The following ALKBH7 variants were observed in gnomAD, a reference collection of about 807,000 sequenced individuals.
ALKBH7 encodes alkB homolog 7, RNA demethylase.
A neutral mutation model predicts 19.3 loss-of-function variants in ALKBH7; 21 were observed. The observed-to-expected ratio is 1.09, with a 90% confidence interval of 0.77 to 1.56. The LOEUF (loss-of-function observed/expected upper bound fraction) is 1.56, where lower values mean the gene tolerates loss of function less well. Ranked by LOEUF, ALKBH7 falls within the 40% of genes most tolerant of loss-of-function variation. ALKBH7 has a pLI of 0.00. For missense variants in ALKBH7, 354 were observed against 311.4 expected (o/e 1.14, Z -1.03); for synonymous variants, 147 against 139.5 (o/e 1.05, Z -0.38).
rs1013528975 is a variant in ALKBH7, at chr19:6,373,645, G to C, written c.205-558G>C. 3.2e-5 allele frequency: 40 copies of C among 1,250,808 alleles called. No homozygotes were observed. In the African/African-American group the frequency reaches 3.4e-4, roughly 11 times the overall value. 77.5% of individuals were successfully genotyped at this position (1,250,808 alleles called of 1,614,324 possible). On this transcript the variant is annotated intron_variant, in intron 1 of 3. Coordinates refer to ENST00000245812, the MANE Select transcript of ALKBH7 (RefSeq NM_032306.4). Reference sequence around the variant, plus strand: ...GGGATGGGTTGGGGCCATGCTGTGGGGGGGACGGGGAAGTCGAGGTTTAGA... The same window carrying C: ...GGGATGGGTTGGGGCCATGCTGTGGCGGGGACGGGGAAGTCGAGGTTTAGA...
intron 3 of ALKBH7, 105 bp from the exon 4 acceptor site, chr19:6,374,706 T>C: frequency 6.3e-7 from 1 of 1,599,610 alleles, no homozygotes; most frequent in Non-Finnish European, 8.5e-7. Context: ...CCAGGGTCTG[T>C]GTGGGAGGCA....
chr19:6,374,776 C>T, intron 3 of ALKBH7, 35 bp from the exon 4 acceptor site: 1 of 1,601,350 alleles, frequency 6.2e-7, no homozygotes, highest in Non-Finnish European at 8.5e-7. Context: ...GGGCTGCCCT[C>T]CTTGCACCCA....
In ALKBH7 at chr19:6,375,193, AG is replaced by A; in HGVS notation, c.*221del. 7.5e-7 allele frequency: 1 copy of A among 1,340,052 alleles called. No homozygotes were observed. The highest frequency in any genetic ancestry group is 2.8e-5 in the East Asian group (1 of 35,942). The allele number at this position is 1,340,052 out of a possible 1,614,324, so 83.0% of individuals were successfully genotyped here. A position where few individuals can be genotyped will look rare whatever the true frequency, so the allele number is the denominator to read the frequency against. ...TATTGCACTCACTGCTGGTCGCCCC[AG>A]CCCACTCCCCTCCTCGTTGTCTCTG... On this transcript the variant is annotated 3_prime_UTR_variant, in exon 4 of 4. Transcript: ENST00000245812.
In ALKBH7 at chr19:6,374,887, C is replaced by G. The variant is rs368138045; in HGVS notation, c.580C>G (p.Arg194Gly). 1 of 1,613,930 alleles carries G rather than the reference C, an allele frequency of 6.2e-7. No individual in the cohort carries two copies. Among genetic ancestry groups the G allele is most frequent in the Non-Finnish European group, 8.5e-7 (1 of 1,179,984 alleles). Residue 194 changes from arginine (R) to glycine (G), a missense_variant, in exon 4 of 4, where the codon CGG (arginine) becomes GGG (glycine). By Grantham distance (125) the Arg-to-Gly change is moderately radical. Coordinates refer to ENST00000245812, the MANE Select transcript of ALKBH7 (RefSeq NM_032306.4). ...ESFFGERRIP[R>G]GRRISVICRS... is the part of the protein sequence containing the mutation. Reference sequence around the variant, plus strand: ...CTTCTTTGGGGAACGCCGGATTCCCCGGGGCCGGCGCATCTCCGTGATCTG... The same window carrying G: ...CTTCTTTGGGGAACGCCGGATTCCCGGGGGCCGGCGCATCTCCGTGATCTG...
At position 6,373,035 on chromosome 19, in the gene ALKBH7, C is replaced by T; in HGVS notation, c.204+11C>T. The stretch of plus-strand genomic sequence containing the variant: ...GATCACTGGGACGCGGTGAGACCGG[C>T]AGCGCCGGGGGCGAGGGACGGGGGC... On this transcript the variant is annotated intron_variant, in intron 1 of 3. Transcript: ENST00000245812. The T allele has an allele frequency of 6.4e-7, 1 of 1,554,466 alleles. No individual in the cohort carries two copies.
chr19:6,375,158 T>A lies in ALKBH7; in HGVS notation c.*185T>A. 1 of 1,283,676 alleles carries A rather than the reference T, an allele frequency of 7.8e-7. No individual in the cohort carries two copies. The allele number at this position is 1,283,676 out of a possible 1,614,324, so 79.5% of individuals were successfully genotyped here. The stretch of plus-strand genomic sequence containing the variant: ...GGTCAAAGTCACAAGGCCGGGAGAG[T>A]GGTGTCCTTTATTGCACTCACTGCT... On this transcript the variant is annotated 3_prime_UTR_variant, in exon 4 of 4. Transcript: ENST00000245812.
chr19:6,372,925 G>GCGGC lies in ALKBH7; in HGVS notation c.107_110dup (p.Gly38AlafsTer132), dbSNP rs2091897944. ...GCCGCCTGCAGGACGCGGCCGTGGT[G>GCGGC]CGGCCTGGCTTCCTGAGCACGGCAG... On this transcript the variant is annotated frameshift_variant, in exon 1 of 4. Transcript: ENST00000245812. LOFTEE classifies it high-confidence loss of function. The GCGGC allele has an allele frequency of 1.3e-6, 2 of 1,563,288 alleles. No individual in the cohort carries two copies. The highest frequency in any genetic ancestry group is 1.7e-6 in the Non-Finnish European group (2 of 1,156,980).
Position 6,372,835 on chromosome 19 carries a change from G to A in ALKBH7, c.15G>A (p.Gly5=), listed in dbSNP as rs2091897023. Residue 5 remains glycine, a synonymous_variant, in exon 1 of 4, where the codon GGG becomes GGA. Transcript: ENST00000245812. ...GCTCCGGGATTATGGCCGGGACTGG[G>A]CTGCTGGCGCTGCGGACGCTGCCAG... MAGT[G]LLALRTLPGP... 1.3e-6 allele frequency: 2 copies of A among 1,545,298 alleles called. No individual in the cohort carries two copies. The highest frequency in any genetic ancestry group is 1.9e-5 in the Admixed American group (1 of 51,394).
At position 6,374,832 on chromosome 19, in the gene ALKBH7, C is replaced by T. The variant is rs375416717; in HGVS notation, c.525C>T (p.Phe175=). The T allele has an allele frequency of 1.2e-5, 19 of 1,613,502 alleles. No homozygotes were observed. Among genetic ancestry groups the T allele is most frequent in the Admixed American group, 6.7e-5 (4 of 59,966 alleles). Residue 175 remains phenylalanine (F), a synonymous_variant, in exon 4 of 4, where the codon TTC becomes TTT. Coordinates refer to ENST00000245812, the MANE Select transcript of ALKBH7 (RefSeq NM_032306.4). ...GCAGGGGCTCAGCCCGTTATGACTTCTCCCATGAGATCCTTCGGGATGAAG... is the reference window on the plus strand; with the variant it reads ...GCAGGGGCTCAGCCCGTTATGACTTTTCCCATGAGATCCTTCGGGATGAAG... ...YILRGSARYD[F]SHEILRDEES...
In ALKBH7 at chr19:6,372,892, C is replaced by G. The variant is rs1268898311; in HGVS notation, c.72C>G (p.Ser24=). 3 of 1,551,878 alleles carry G rather than the reference C, an allele frequency of 1.9e-6. No individual in the cohort carries two copies. The highest frequency in any genetic ancestry group is 4.8e-5 in the East Asian group (2 of 41,450). ...GCTGGGTGCGAGGCTCGGGCCCTTC[C>G]GTGCTGAGCCGCCTGCAGGACGCGG... ...GPSWVRGSGP[S]VLSRLQDAAV... Residue 24 remains serine (S), a synonymous_variant, in exon 1 of 4, where the codon TCC becomes TCG. Coordinates refer to ENST00000245812, the MANE Select transcript of ALKBH7 (RefSeq NM_032306.4).
At chr19:6,373,213 CGTGGGGGCGGGGCTACGGTGCTGGGGTT>C (rs2091900409) in intron 1 of ALKBH7, among the ~76,000 whole-genome samples, 189 bp downstream of exon 1, 1 of 73,412 alleles carries the variant, frequency 1.4e-5, no homozygotes, top group Non-Finnish European at 2.6e-5. Context: ...TACCGTTTAG[CGTGGGGGCGGGGCTACGGTGCTGGGGTT>C]GTGGGGCCAG....
intron 3 of ALKBH7, 63 bp downstream of exon 3, chr19:6,374,652 G>A: frequency 6.2e-7 from 1 of 1,609,892 alleles, no homozygotes; most frequent in Non-Finnish European, 8.5e-7. Flanking sequence ...CCTGTGCCCT[G>A]GGTACTTTCC....
In ALKBH7 at chr19:6,374,861, C is replaced by A; in HGVS notation, c.554C>A (p.Ser185Tyr). 6.2e-7 allele frequency: 1 copy of A among 1,614,116 alleles called. No homozygotes were observed. Among genetic ancestry groups the A allele is most frequent in the Non-Finnish European group, 8.5e-7 (1 of 1,179,984 alleles). Residue 185 changes from serine to tyrosine, a missense_variant, in exon 4 of 4, where the codon TCC (serine) becomes TAC (tyrosine). Transcript: ENST00000245812. ...FSHEILRDEE[S>Y]FFGERRIPRG... ...CATGAGATCCTTCGGGATGAAGAGT[C>A]CTTCTTTGGGGAACGCCGGATTCCC...
intron 1 of ALKBH7, 38 bp downstream of exon 1, chr19:6,373,062 C>A (rs750139292): frequency 2.6e-6 from 4 of 1,530,530 alleles, no homozygotes; most frequent in African/African-American, 2.8e-5. Context: ...GACGGGGGCT[C>A]GTCGGGGGCG....
rs745356742 is a variant in ALKBH7 at position 6,372,968 on chromosome 19, C to G, written c.148C>G (p.Arg50Gly). 2 of 1,576,892 alleles carry G rather than the reference C, an allele frequency of 1.3e-6. No homozygotes were observed. Among genetic ancestry groups the G allele is most frequent in the South Asian group, 2.3e-5 (2 of 86,604 alleles). ...LSTAEEETLS[R>G]ELEPELRRRR... ...CACGGCAGAGGAGGAGACGCTGAGC[C>G]GAGAACTGGAGCCCGAGCTGCGCCG... The change falls in exon 1 of 4, where the codon CGA becomes GGA. Residue 50 changes from arginine (R) to glycine (G), a missense_variant. Physicochemically the swap from Arg to Gly is moderately radical, Grantham distance 125 (BLOSUM62 -2). Transcript: ENST00000245812.
At position 6,374,414 on chromosome 19, in the gene ALKBH7, G is replaced by T. The variant is rs375059228; in HGVS notation, c.378+38G>T. 18 of 1,604,530 alleles carry T rather than the reference G, an allele frequency of 1.1e-5. No individual in the cohort carries two copies. In the East Asian group the frequency reaches 3.8e-4, roughly 34 times the overall value. On this transcript the variant is annotated intron_variant, in intron 2 of 3. Coordinates refer to ENST00000245812, the MANE Select transcript of ALKBH7 (RefSeq NM_032306.4). ...CGGTGCCTTGGCACTCCCAGCCAGG[G>T]GGTAGGCAGGCCCGGTTAGATCCTG...
rs550179551 is a variant in ALKBH7 at position 6,373,091 on chromosome 19, C to T, written c.204+67C>T. On this transcript the variant is annotated intron_variant, in intron 1 of 3. Coordinates refer to ENST00000245812, the MANE Select transcript of ALKBH7 (RefSeq NM_032306.4). Reference sequence around the variant, plus strand: ...GGGGGCGCGGCCTGGGGACGTGGAGCATCAGATGGGGCGGGGACACGCTGG... The same window carrying T: ...GGGGGCGCGGCCTGGGGACGTGGAGTATCAGATGGGGCGGGGACACGCTGG... 416 of 1,498,960 alleles carry T rather than the reference C, an allele frequency of 2.8e-4. 1 individual carries two copies. The African/African-American group carries it at 4.9e-3, about 18-fold the overall frequency. The allele number at this position is 1,498,960 out of a possible 1,614,324, so 92.9% of individuals were successfully genotyped here. A position where few individuals can be genotyped will look rare whatever the true frequency, so the allele number is the denominator to read the frequency against.
At chr19:6,374,127 C>T in intron 1 of ALKBH7, 76 bp from the exon 2 acceptor site, 2 of 1,584,412 alleles carry the variant, frequency 1.3e-6, no homozygotes. Flanking sequence ...AGCCCCTTGC[C>T]GTTTTCTGCC....
At position 6,374,203 on chromosome 19, in the gene ALKBH7, G is replaced by A; in HGVS notation, c.205G>A (p.Ala69Thr). The A allele has an allele frequency of 6.2e-7, 1 of 1,612,656 alleles. No individual in the cohort carries two copies. ...AGGCTTAACCGAGCTCTCTGTGCAG[G>A]CCATCCACGGCTTCCGAGAGACAGA... ...RRYEYDHWDAAIHGFRETEKS... is the reference protein window; with the variant it reads ...RRYEYDHWDATIHGFRETEKS... The change falls in exon 2 of 4, where the codon GCC becomes ACC. Residue 69 changes from alanine (A) to threonine (T), a missense_variant and splice_region_variant. Ala to Thr is a moderately conservative substitution (Grantham distance 58, BLOSUM62 0). Coordinates refer to ENST00000245812, the MANE Select transcript of ALKBH7 (RefSeq NM_032306.4).
Sources: allele counts gnomAD v4.1 joint callset (sites outside exome capture counted in the v4.1 genomes callset), GRCh38; gene constraint gnomAD v4.1.1; transcripts MANE v1.5; gene names NCBI Gene and HGNC (gene_info 2026-07-23, HGNC 2026-07-21).